MCUB: variants seen among roughly 807,000 people sequenced by gnomAD.
MCUB encodes the protein mitochondrial calcium uniporter dominant negative subunit beta.
MCUB carries 46 observed loss-of-function variants against 41.4 expected under a neutral mutation model. That is an observed-to-expected ratio of 1.11 (90% confidence interval 0.88 to 1.42). MCUB has a LOEUF of 1.42. MCUB is among the 40% of genes most tolerant of loss of function. The pLI, the probability that MCUB is intolerant of heterozygous loss-of-function variation, is 0.00. For synonymous variants in MCUB, 148 were observed against 148.2 expected, an observed-to-expected ratio of 1.00 and a Z score of 0.01; for missense variants, 403 against 404.9, an observed-to-expected ratio of 1.00 and a Z score of 0.04.
At chr4:109,562,495 C>G (rs1355084082) in intron 1 of MCUB, among the ~76,000 whole-genome samples, 1 of 152,220 alleles carries the variant, frequency 6.6e-6, no homozygotes, top group African/African-American at 2.4e-5. Flanking sequence ...TTCTGCTAAT[C>G]AAATTACCTG....
intron 1 of MCUB, among the ~76,000 whole-genome samples, chr4:109,628,462 A>G (rs1728408330): frequency 6.6e-6 from 1 of 152,222 alleles, no homozygotes. Context: ...ATGGGGAATG[A>G]TTGCAGAGGG....
At chr4:109,663,872 C>G (rs1729280041) in intron 3 of MCUB, among the ~76,000 whole-genome samples, 1 of 151,836 alleles carries the variant, frequency 6.6e-6, no homozygotes, top group Non-Finnish European at 1.5e-5. Context: ...GGAGCTGAGA[C>G]CAGGTTAACC....
rs1348714325 is a variant in MCUB at position 109,569,424 on chromosome 4, A to C, written c.99+8988A>C. On this transcript the variant is annotated intron_variant, in intron 1 of 7. Coordinates refer to ENST00000394650, the MANE Select transcript of MCUB (RefSeq NM_017918.5). ...TTTCATATCAGGATTTTTAAAGGGC[A>C]TAATTAACAAAATTTAACAAAATAT... is the stretch of plus-strand genomic sequence containing the variant. 3.9e-5 allele frequency among the ~76,000 whole-genome samples: 6 copies of C among 152,064 alleles called. 1 individual carries two copies. The South Asian group carries it at 1.2e-3, about 31-fold the overall frequency.
At chr4:109,647,860 C>A (rs1174600621) in intron 1 of MCUB, among the ~76,000 whole-genome samples, 1 of 152,038 alleles carries the variant, frequency 6.6e-6, no homozygotes, top group Non-Finnish European at 1.5e-5. Flanking sequence ...ATTGTGTGTC[C>A]GCACCTGTTG....
chr4:109,665,055 A>G (rs1326298774), intron 4 of MCUB, among the ~76,000 whole-genome samples: 2 of 152,220 alleles, frequency 1.3e-5, no homozygotes, highest in Non-Finnish European at 2.9e-5. Context: ...TATTGTCAAT[A>G]TCCCACACCA....
intron 2 of MCUB, 106 bp downstream of exon 2, chr4:109,659,192 C>G: frequency 2.9e-6 from 2 of 692,678 alleles, no homozygotes; most frequent in South Asian, 3.3e-5. Context: ...TTACACTATC[C>G]CCATCCCACC....
intron 4 of MCUB, among the ~76,000 whole-genome samples, chr4:109,675,096 GAA>G (rs773699000): frequency 6.6e-6 from 1 of 151,776 alleles, no homozygotes; most frequent in African/African-American, 2.4e-5. Context: ...ATGTCAAAAA[GAA>G]AAAAAAGAAA....
At chr4:109,602,961 G>A (rs1221098357) in intron 1 of MCUB, among the ~76,000 whole-genome samples, 2 of 152,164 alleles carry the variant, frequency 1.3e-5, no homozygotes, top group African/African-American at 4.8e-5. Flanking sequence ...TATTGTAAAT[G>A]GGATTACTTT....
intron 1 of MCUB, among the ~76,000 whole-genome samples, chr4:109,615,703 C>G (rs1728113305): frequency 2.6e-5 from 4 of 152,072 alleles, no homozygotes; most frequent in Admixed American, 2.0e-4. Context: ...GCCACCGCGC[C>G]CGGCATAGAT....
chr4:109,622,241 G>A (rs1728264639), intron 1 of MCUB, among the ~76,000 whole-genome samples: 1 of 152,168 alleles, frequency 6.6e-6, no homozygotes, highest in African/African-American at 2.4e-5. Flanking sequence ...CATGCTGCTT[G>A]TAAAAAGAAC....
chr4:109,604,299 G>GTTTA (rs35260623), intron 1 of MCUB, among the ~76,000 whole-genome samples: 76,044 of 151,188 alleles, frequency 0.5, 19,620 homozygotes, highest in South Asian at 0.62. Flanking sequence ...TTGTTCACGT[G>GTTTA]TCTGCTGACC....
intron 1 of MCUB, among the ~76,000 whole-genome samples, chr4:109,593,974 A>G (rs911833393): frequency 2.6e-5 from 4 of 152,312 alleles, no homozygotes; most frequent in Admixed American, 6.5e-5. Context: ...TCCAAGGGTA[A>G]TGTTAGCACT....
chr4:109,598,874 C>T (rs1561222436), intron 1 of MCUB, among the ~76,000 whole-genome samples: 2 of 152,040 alleles, frequency 1.3e-5, no homozygotes, highest in South Asian at 4.2e-4. Flanking sequence ...AAAATATATC[C>T]ATAGACCAAT....
intron 1 of MCUB, among the ~76,000 whole-genome samples, chr4:109,581,516 G>A (rs1261486256): frequency 6.6e-6 from 1 of 152,112 alleles, no homozygotes; most frequent in Non-Finnish European, 1.5e-5. Context: ...GGCAACAAAA[G>A]CCAAAATTGA....
intron 4 of MCUB, among the ~76,000 whole-genome samples, chr4:109,669,110 T>C (rs1190164448): frequency 6.6e-6 from 1 of 152,162 alleles, no homozygotes; most frequent in African/African-American, 2.4e-5. Context: ...CCTCCACTAT[T>C]CCTTCTCTGA....
intron 4 of MCUB, among the ~76,000 whole-genome samples, chr4:109,674,437 T>A (rs1443594629): frequency 6.6e-6 from 1 of 152,220 alleles, no homozygotes; most frequent in Non-Finnish European, 1.5e-5. Context: ...AACAGGCCAA[T>A]CCTGAAGGTA....
rs145928075 is a variant in MCUB at position 109,576,970 on chromosome 4, G to T, written c.99+16534G>T. On this transcript the variant is annotated intron_variant, in intron 1 of 7. Transcript: ENST00000394650. ...AGGTTCAAGTGATCCTCCCACCTCA[G>T]CCTCCTGAGTAGATGGGATTACAAG... Among the ~76,000 whole-genome samples the T allele has an allele frequency of 5.8e-3, 877 of 152,198 alleles. 9 individuals are homozygous for T. The highest frequency in any genetic ancestry group is 0.021 in the African/African-American group (859 of 41,528).
intron 1 of MCUB, among the ~76,000 whole-genome samples, chr4:109,596,991 T>G (rs930319962): frequency 1.3e-4 from 19 of 151,994 alleles, no homozygotes; most frequent in Admixed American, 5.2e-4. Context: ...TGCACCGCCC[T>G]TAATCCATTT....
At chr4:109,569,138 C>T (rs1240638774) in intron 1 of MCUB, among the ~76,000 whole-genome samples, 1 of 152,112 alleles carries the variant, frequency 6.6e-6, no homozygotes, top group Non-Finnish European at 1.5e-5. Flanking sequence ...GCTCCGCCTC[C>T]CGGGTTCACG....
Sources: gnomAD v4.1 joint callset for allele counts (sites outside exome capture counted in the v4.1 genomes callset) on GRCh38, gnomAD v4.1.1 for gene constraint, MANE v1.5 for transcripts, NCBI Gene and HGNC (gene_info 2026-07-23, HGNC 2026-07-21) for gene names.